The following UBE2E1 variants were observed in gnomAD, a reference collection of about 807,000 sequenced individuals.
UBE2E1 encodes ubiquitin-conjugating enzyme E2 E1.
A neutral mutation model predicts 21.4 loss-of-function variants in UBE2E1; 6 were observed. The observed-to-expected ratio is 0.28, with a 90% CI of 0.15 to 0.55. The LOEUF (loss-of-function observed/expected upper bound fraction) is 0.55, where lower values mean the gene tolerates loss of function less well. Among genes scored for constraint, UBE2E1 ranks in the 20% least tolerant of loss-of-function variants. The probability of loss-of-function intolerance (pLI) is 0.93; values close to 1 mark genes in which losing one functional copy is unlikely to be tolerated. For synonymous variants in UBE2E1, 87 were observed against 82.7 expected (o/e 1.05, Z -0.28); for missense variants, 142 against 236.5 (o/e 0.60, Z 2.62).
chr3:23,812,900 A>G (rs1415752915), intron 3 of UBE2E1, among the ~76,000 whole-genome samples: 1 of 152,148 alleles, frequency 6.6e-6, no homozygotes, highest in African/African-American at 2.4e-5. Context: ...GTTATTAATA[A>G]CATTGATTAA....
rs757971365 is a variant in UBE2E1 at position 23,816,662 on chromosome 3, G to A, written c.203+5152G>A. ...GCGGAGCTTGCTGTGAGCAGAGATC[G>A]CACCACTGCACTCCAGCCTGGGCAA... On this transcript the variant is annotated intron_variant, in intron 3 of 5. Coordinates refer to ENST00000306627, the MANE Select transcript of UBE2E1 (RefSeq NM_003341.5). The surrounding 1 kb of genome is among the most constrained non-coding windows in gnomAD (Gnocchi z 4.8). 4.6e-5 allele frequency among the ~76,000 whole-genome samples: 7 copies of A among 152,044 alleles called. No homozygotes were observed. Among genetic ancestry groups the A allele is most frequent in the Non-Finnish European group, 5.9e-5 (4 of 68,022 alleles).
intron 3 of UBE2E1, among the ~76,000 whole-genome samples, chr3:23,883,559 G>A (rs1701103433): frequency 1.3e-5 from 2 of 152,112 alleles, no homozygotes; most frequent in Non-Finnish European, 1.5e-5. Context: ...CTCTGATTAA[G>A]AAAGTACACA....
chr3:23,832,062 C>T (rs1559479812), intron 3 of UBE2E1, among the ~76,000 whole-genome samples: 1 of 152,120 alleles, frequency 6.6e-6, no homozygotes, highest in East Asian at 1.9e-4. Flanking sequence ...TAATAATTGG[C>T]TTTTTGAGTT....
intron 3 of UBE2E1, among the ~76,000 whole-genome samples, chr3:23,878,642 T>C (rs1158380919): frequency 6.6e-6 from 1 of 152,194 alleles, no homozygotes; most frequent in Non-Finnish European, 1.5e-5. Context: ...TAGGTTCTCA[T>C]AGGCACACGC....
rs1700371122 is a variant in UBE2E1 at position 23,853,540 on chromosome 3, TG to T, written c.204-34026del. Among the ~76,000 whole-genome samples, 2 of 152,174 alleles carry T rather than the reference TG, an allele frequency of 1.3e-5. No homozygotes were observed. The highest frequency in any genetic ancestry group is 4.8e-5 in the African/African-American group (2 of 41,444). On this transcript the variant is annotated intron_variant, in intron 3 of 5. Transcript: ENST00000306627. The surrounding 1 kb of genome is among the most constrained non-coding windows in gnomAD (Gnocchi z 4.1). Reference sequence around the variant, plus strand: ...AAGATTACAAAGATTTTTCTTCTGTTGTTTTTTTTTAATATAAGTTTTATGG... The same window carrying T: ...AAGATTACAAAGATTTTTCTTCTGTTTTTTTTTTTAATATAAGTTTTATGG...
chr3:23,854,060 C>T (rs1575017744), intron 3 of UBE2E1, among the ~76,000 whole-genome samples: 1 of 151,964 alleles, frequency 6.6e-6, no homozygotes, highest in East Asian at 1.9e-4. Flanking sequence ...GAGTTTGAGA[C>T]CAGTCTGGCC....
intron 3 of UBE2E1, among the ~76,000 whole-genome samples, chr3:23,824,388 A>G (rs59177869): frequency 1.9e-3 from 283 of 152,304 alleles, no homozygotes; most frequent in African/African-American, 6.3e-3. Context: ...AAGTGATAGT[A>G]ATTTTATCCA....
intron 3 of UBE2E1, 91 bp downstream of exon 3, chr3:23,811,601 C>A: frequency 2.4e-6 from 3 of 1,266,502 alleles, no homozygotes; most frequent in Non-Finnish European, 3.3e-6. Context: ...TTCTTTGATT[C>A]TTTGGCTAAT....
chr3:23,882,867 C>T (rs1305338476), intron 3 of UBE2E1, among the ~76,000 whole-genome samples: 1 of 152,218 alleles, frequency 6.6e-6, no homozygotes, highest in Non-Finnish European at 1.5e-5. Flanking sequence ...CCGGAACTCT[C>T]GCTGTTCCAT....
chr3:23,809,732 C>T (rs886357325), intron 2 of UBE2E1, among the ~76,000 whole-genome samples: 3 of 152,110 alleles, frequency 2.0e-5, no homozygotes, highest in Non-Finnish European at 4.4e-5. Flanking sequence ...TTTTTATATG[C>T]GTTGTGCTCC....
In UBE2E1 at chr3:23,807,331, A is replaced by T; in HGVS notation, c.62A>T (p.Gln21Leu). 6.2e-7 allele frequency: 1 copy of T among 1,614,064 alleles called. No homozygotes were observed. The highest frequency in any genetic ancestry group is 8.5e-7 in the Non-Finnish European group (1 of 1,179,994). Residue 21 changes from glutamine (Q) to leucine (L), a missense_variant, in exon 2 of 6, where the codon CAA becomes CTA. Transcript: ENST00000306627. Reference sequence around the variant, plus strand: ...TCCTCATCTTCGTCTTCCAACCAGCAAACCGAGAAAGAAACAAACACCCCC... The same window carrying T: ...TCCTCATCTTCGTCTTCCAACCAGCTAACCGAGAAAGAAACAAACACCCCC... ...SSSSSSSSNQ[Q>L]TEKETNTPKK...
chr3:23,848,194 C>T (rs1042771992), intron 3 of UBE2E1, among the ~76,000 whole-genome samples: 3 of 152,102 alleles, frequency 2.0e-5, no homozygotes, highest in East Asian at 1.9e-4. Flanking sequence ...CTAGGCTGGG[C>T]GTAATAGCTG....
intron 5 of UBE2E1, 150 bp from the exon 6 acceptor site, chr3:23,890,359 G>T: frequency 1.6e-6 from 1 of 636,592 alleles, no homozygotes. Context: ...AATTTTGATG[G>T]AAAAATATCC....
chr3:23,835,270 G>C (rs909683031), intron 3 of UBE2E1, among the ~76,000 whole-genome samples: 4 of 152,150 alleles, frequency 2.6e-5, no homozygotes, highest in Non-Finnish European at 5.9e-5. Flanking sequence ...AGGAGTTTAA[G>C]AGCAGCCTGG....
At chr3:23,873,160 C>T (rs1165533007) in intron 3 of UBE2E1, among the ~76,000 whole-genome samples, 2 of 149,046 alleles carry the variant, frequency 1.3e-5, no homozygotes, top group Non-Finnish European at 1.5e-5. Flanking sequence ...GGTGTAGATT[C>T]AGGAAAATCT....
chr3:23,885,193 T>C (rs1327560418), intron 3 of UBE2E1, among the ~76,000 whole-genome samples: 7 of 152,222 alleles, frequency 4.6e-5, no homozygotes, highest in African/African-American at 9.6e-5. Context: ...TAGAGAGCTT[T>C]TGAGGTTCTC....
At chr3:23,865,758 A>G (rs2125316198) in intron 3 of UBE2E1, among the ~76,000 whole-genome samples, 1 of 152,342 alleles carries the variant, frequency 6.6e-6, no homozygotes, top group Admixed American at 6.5e-5. Flanking sequence ...TGATACCAAC[A>G]TGAAGTAGCA....
chr3:23,860,940 GATATAT>G (rs1216844844), intron 3 of UBE2E1, among the ~76,000 whole-genome samples: 1 of 152,152 alleles, frequency 6.6e-6, no homozygotes, highest in African/African-American at 2.4e-5. Context: ...CAGACAAGGA[GATATAT>G]ATATGTAAAG....
At chr3:23,835,338 C>T (rs555148147) in intron 3 of UBE2E1, among the ~76,000 whole-genome samples, 28 of 152,170 alleles carry the variant, frequency 1.8e-4, no homozygotes, top group African/African-American at 3.6e-4. Flanking sequence ...TGTGCTGGTG[C>T]GCACCTGTGG....
Sources: allele counts gnomAD v4.1 joint callset (sites outside exome capture counted in the v4.1 genomes callset), GRCh38; gene constraint gnomAD v4.1.1; non-coding constraint Gnocchi (gnomAD v3.1); transcripts MANE v1.5; gene names NCBI Gene and HGNC (gene_info 2026-07-23, HGNC 2026-07-21).